The following ZBED4 variants were observed in gnomAD, a reference collection of about 807,000 sequenced individuals.
The protein encoded by ZBED4 is zinc finger BED domain-containing protein 4.
In ZBED4, 4 loss-of-function variants were observed where a neutral mutation model predicts 15.5. The observed-to-expected ratio is 0.26, with a 90% confidence interval of 0.13 to 0.59. ZBED4 has a LOEUF of 0.59. ZBED4 is among the 20% of genes least tolerant of loss of function. The pLI, the probability that ZBED4 is intolerant of heterozygous loss-of-function variation, is 0.90. For missense variants in ZBED4, 1,323 were observed against 1,461.8 expected, an observed-to-expected ratio of 0.91 and a Z score of 1.55; for synonymous variants, 692 against 608.5, an observed-to-expected ratio of 1.14 and a Z score of -2.02.
chr22:49,858,456 T>C (rs2060283926), intron 1 of ZBED4, among the ~76,000 whole-genome samples: 1 of 152,104 alleles, frequency 6.6e-6, no homozygotes, highest in Admixed American at 6.5e-5. Flanking sequence ...TTGTTGAGAG[T>C]GCGTGTGCTC....
Position 49,884,749 on chromosome 22 carries a change from C to T in ZBED4, c.1087C>T (p.Leu363=). 2 of 1,593,696 alleles carry T rather than the reference C, an allele frequency of 1.3e-6. No individual in the cohort carries two copies. The highest frequency in any genetic ancestry group is 1.7e-4 in the Middle Eastern group (1 of 5,950). Residue 363 remains leucine, a synonymous_variant, in exon 2 of 2, where the codon CTG becomes TTG. Transcript: ENST00000216268. ...STPPTLLPSL[L]PPEGELSSVS... is the part of the protein sequence containing the mutation. Reference sequence around the variant, plus strand: ...CCCTCCCACTCTGCTGCCTTCCTTGCTGCCGCCGGAGGGGGAGCTCAGCTC... The same window carrying T: ...CCCTCCCACTCTGCTGCCTTCCTTGTTGCCGCCGGAGGGGGAGCTCAGCTC...
intron 1 of ZBED4, among the ~76,000 whole-genome samples, chr22:49,862,826 T>C (rs1348665351): frequency 1.3e-5 from 2 of 150,914 alleles, no homozygotes; most frequent in African/African-American, 4.9e-5. Context: ...CTCAGTTTCC[T>C]GAGTAACTGG....
chr22:49,873,142 G>T (rs1304067188), intron 1 of ZBED4, among the ~76,000 whole-genome samples: 3 of 152,192 alleles, frequency 2.0e-5, no homozygotes, highest in East Asian at 1.9e-4. Flanking sequence ...TTTCCTTCAA[G>T]AACTTTCCTT....
In ZBED4 at chr22:49,887,014, G is replaced by A. The variant is rs1416070858; in HGVS notation, c.3352G>A (p.Ala1118Thr). The A allele has an allele frequency of 6.2e-7, 1 of 1,614,108 alleles. No homozygotes were observed. The highest frequency in any genetic ancestry group is 8.5e-7 in the Non-Finnish European group (1 of 1,180,038). Residue 1118 changes from alanine to threonine, a missense_variant, in exon 2 of 2, where the codon GCC becomes ACC. By Grantham distance (58) the Ala-to-Thr change is moderately conservative (BLOSUM62 0). Around this residue, in one of 6 missense-constraint regions of ZBED4, gnomAD observed 312 missense variants for 410.7 expected, o/e 0.76. Coordinates refer to ENST00000216268, the MANE Select transcript of ZBED4 (RefSeq NM_014838.3). ...GTCCTGGCCGGGGCTGTCCGCGCTGGCCGTCAGATTTTTGGGCTGCCCCCC... is the reference window on the plus strand; with the variant it reads ...GTCCTGGCCGGGGCTGTCCGCGCTGACCGTCAGATTTTTGGGCTGCCCCCC... ...KASWPGLSALAVRFLGCPPSI... is the reference protein window; with the variant it reads ...KASWPGLSALTVRFLGCPPSI...
rs2060451245 is a variant in ZBED4, at chr22:49,888,358, A to C, written c.*1180A>C. The C allele has an allele frequency of 6.0e-6, 1 of 167,180 alleles. No individual in the cohort carries two copies. Among genetic ancestry groups the C allele is most frequent in the Non-Finnish European group, 1.5e-5 (1 of 68,128 alleles). 10.4% of individuals were successfully genotyped at this position (167,180 alleles called of 1,614,324 possible). On this transcript the variant is annotated 3_prime_UTR_variant, in exon 2 of 2. Transcript: ENST00000216268. ...TTGTTGAAATACTGTACGTACGCTT[A>C]ATCTAAATTTGCATTGACTATGTTT...
Position 49,886,471 on chromosome 22 carries a change from C to G in ZBED4, c.2809C>G (p.Leu937Val). The G allele has an allele frequency of 6.4e-7, 1 of 1,572,412 alleles. No homozygotes were observed. The highest frequency in any genetic ancestry group is 8.6e-7 in the Non-Finnish European group (1 of 1,157,786). ...WEVMQSVCRA[L>V]KPFEAASREM... ...GGTCATGCAGTCCGTGTGCCGTGCG[C>G]TAAAGCCCTTCGAGGCTGCGAGCCG... Residue 937 changes from leucine to valine, a missense_variant, in exon 2 of 2, where the codon CTA (leucine) becomes GTA (valine). By Grantham distance (32) the Leu-to-Val change is conservative (BLOSUM62 1). Coordinates refer to ENST00000216268, the MANE Select transcript of ZBED4 (RefSeq NM_014838.3). This position sits in a 1 kb window ranked among gnomAD's most constrained non-coding sequence, Gnocchi z 7.7.
At position 49,888,339 on chromosome 22, in the gene ZBED4, A is replaced by G. The variant is rs1406022664; in HGVS notation, c.*1161A>G. ...ACCTTTTAGAAAAGTTGTTTTGTTGAAATACTGTACGTACGCTTAATCTAA... is the reference window on the plus strand; with the variant it reads ...ACCTTTTAGAAAAGTTGTTTTGTTGGAATACTGTACGTACGCTTAATCTAA... On this transcript the variant is annotated 3_prime_UTR_variant, in exon 2 of 2. Coordinates refer to ENST00000216268, the MANE Select transcript of ZBED4 (RefSeq NM_014838.3). 6.0e-6 allele frequency: 1 copy of G among 167,002 alleles called. No individual in the cohort carries two copies. The highest frequency in any genetic ancestry group is 2.4e-5 in the African/African-American group (1 of 41,462). The allele number at this position is 167,002 out of a possible 1,614,324, so 10.3% of individuals were successfully genotyped here. A position where few individuals can be genotyped will look rare whatever the true frequency, so the allele number is the denominator to read the frequency against.
intron 1 of ZBED4, among the ~76,000 whole-genome samples, chr22:49,880,799 T>C (rs1436840302): frequency 1.3e-5 from 2 of 152,240 alleles, no homozygotes; most frequent in South Asian, 2.1e-4. Flanking sequence ...TGGGATCATA[T>C]TGAATTTATA....
Position 49,886,546 on chromosome 22 carries a change from C to T in ZBED4, c.2884C>T (p.His962Tyr), listed in dbSNP as rs1042343435. ...STLSQVIPMV[H>Y]ILNRKVEMLF... ...CCTCAGCCAGGTCATCCCCATGGTA[C>T]ACATCCTCAACAGGAAGGTGGAGAT... The change falls in exon 2 of 2, where the codon CAC becomes TAC. Residue 962 changes from histidine (H) to tyrosine (Y), a missense_variant. By Grantham distance (83) the His-to-Tyr change is moderately conservative (BLOSUM62 2). Transcript: ENST00000216268. The surrounding 1 kb of genome is among the most constrained non-coding windows in gnomAD (Gnocchi z 7.7). The T allele has an allele frequency of 1.9e-6, 3 of 1,565,116 alleles. No individual in the cohort carries two copies. Among genetic ancestry groups the T allele is most frequent in the Non-Finnish European group, 1.7e-6 (2 of 1,154,944 alleles).
In ZBED4 at chr22:49,878,591, ATAAAACT is replaced by A. The variant is rs1459464351; in HGVS notation, c.-329-4734_-329-4728del. 3.9e-5 allele frequency among the ~76,000 whole-genome samples: 6 copies of A among 152,340 alleles called. No homozygotes were observed. The East Asian group carries it at 1.2e-3, about 29-fold the overall frequency. On this transcript the variant is annotated intron_variant, in intron 1 of 1. Transcript: ENST00000216268. ...ACTTCAATCCTTCAGAGATCTAAAT[ATAAAACT>A]TAAAACTTCTAAAAGACAACACAGA...
At chr22:49,863,177 T>C (rs891361340) in intron 1 of ZBED4, among the ~76,000 whole-genome samples, 5 of 151,724 alleles carry the variant, frequency 3.3e-5, no homozygotes, top group African/African-American at 1.2e-4. Context: ...AGATTGTGTT[T>C]GGTTGGTTGG....
chr22:49,858,517 C>T (rs571123769), intron 1 of ZBED4, among the ~76,000 whole-genome samples: 3 of 152,276 alleles, frequency 2.0e-5, no homozygotes, highest in African/African-American at 7.2e-5. Flanking sequence ...TATAAAGTTT[C>T]TAACTTACAG....
chr22:49,869,135 A>AT (rs2060334603), intron 1 of ZBED4, among the ~76,000 whole-genome samples: 1 of 151,764 alleles, frequency 6.6e-6, no homozygotes, highest in African/African-American at 2.4e-5. Flanking sequence ...AAAAAAAAAA[A>AT]AAGAAAAATC....
chr22:49,878,255 A>G (rs899465830), intron 1 of ZBED4, among the ~76,000 whole-genome samples: 11 of 148,098 alleles, frequency 7.4e-5, no homozygotes, highest in African/African-American at 1.5e-4. Context: ...CAGTGAGCCA[A>G]CGCACCACTG....
At chr22:49,861,579 G>A (rs1039690231) in intron 1 of ZBED4, among the ~76,000 whole-genome samples, 3 of 152,150 alleles carry the variant, frequency 2.0e-5, no homozygotes, top group African/African-American at 7.2e-5. Context: ...GACTACAGGC[G>A]CATGCCACCA....
chr22:49,882,962 A>C (rs551785504), intron 1 of ZBED4, among the ~76,000 whole-genome samples: 2 of 152,374 alleles, frequency 1.3e-5, no homozygotes, highest in South Asian at 4.1e-4. Context: ...AAGGATGAAT[A>C]GATCTCAAGG....
intron 1 of ZBED4, among the ~76,000 whole-genome samples, chr22:49,872,761 G>C (rs1264674310): frequency 2.0e-5 from 3 of 151,388 alleles, no homozygotes; most frequent in Non-Finnish European, 4.4e-5. Context: ...CTGGAGTGCA[G>C]TGACGTGATC....
chr22:49,870,933 TA>T (rs1296227785), intron 1 of ZBED4, among the ~76,000 whole-genome samples: 1 of 121,600 alleles, frequency 8.2e-6, no homozygotes, highest in East Asian at 2.6e-4. Flanking sequence ...TAAGTATTTT[TA>T]AAAGATAGAT....
At chr22:49,854,042 C>G (rs2060263749) in intron 1 of ZBED4, 53 bp downstream of exon 1, 1 of 143,416 alleles carries the variant, frequency 7.0e-6, no homozygotes, top group Non-Finnish European at 1.5e-5. Flanking sequence ...CCGTCCCCCG[C>G]GGACCGCGCC....
Sources: gnomAD v4.1 joint callset for allele counts (sites outside exome capture counted in the v4.1 genomes callset) on GRCh38, gnomAD v4.1.1 for gene constraint, gnomAD v4.1.1 regional missense constraint, Gnocchi (gnomAD v3.1) non-coding constraint, MANE v1.5 for transcripts, NCBI Gene and HGNC (gene_info 2026-07-23, HGNC 2026-07-21) for gene names.